SYT1: variants seen among roughly 807,000 people sequenced by gnomAD.
The protein encoded by SYT1 is synaptotagmin-1.
SYT1 carries 8 observed loss-of-function variants against 44.8 expected under a neutral mutation model. The observed-to-expected ratio is 0.18, with a 90% confidence interval of 0.10 to 0.32. SYT1 has a LOEUF of 0.32. SYT1 is among the 10% of genes least tolerant of loss of function. The probability of loss-of-function intolerance (pLI) is 1.00; values close to 1 mark genes in which losing one functional copy is unlikely to be tolerated. For synonymous variants in SYT1, 154 were observed against 188.8 expected (o/e 0.82, Z 1.51); for missense variants, 286 against 509.3 (o/e 0.56, Z 4.22).
intron 8 of SYT1, among the ~76,000 whole-genome samples, chr12:79,313,603 CAAAAA>C (rs58288822): frequency 2.0e-5 from 2 of 101,198 alleles, no homozygotes; most frequent in African/African-American, 7.7e-5. Flanking sequence ...TTTTAAAAAG[CAAAAA>C]AAAAAAAAAA....
intron 3 of SYT1, among the ~76,000 whole-genome samples, chr12:79,111,151 C>T (rs1029011678): frequency 3.3e-5 from 5 of 151,944 alleles, no homozygotes; most frequent in Admixed American, 3.3e-4. Flanking sequence ...AAGGAGAATT[C>T]GTATATGTCA....
At chr12:79,212,513 A>G (rs1464354921) in intron 3 of SYT1, among the ~76,000 whole-genome samples, 1 of 147,416 alleles carries the variant, frequency 6.8e-6, no homozygotes, top group Non-Finnish European at 1.5e-5. Context: ...AAAAAAAAAG[A>G]AAATTGCCTG....
intron 1 of SYT1, among the ~76,000 whole-genome samples, chr12:78,920,472 G>T (rs1003895243): frequency 2.4e-4 from 36 of 152,030 alleles, no homozygotes; most frequent in African/African-American, 8.2e-4. Context: ...ATTGAAGTTG[G>T]TCTAGTAAAA....
At chr12:79,327,045 T>G (rs959227604) in intron 8 of SYT1, among the ~76,000 whole-genome samples, 1 of 152,154 alleles carries the variant, frequency 6.6e-6, no homozygotes, top group East Asian at 1.9e-4. Flanking sequence ...ATGTTCCTAT[T>G]AAGGCAGTCA....
chr12:79,222,617 G>A (rs886693502), intron 4 of SYT1, among the ~76,000 whole-genome samples: 1 of 151,882 alleles, frequency 6.6e-6, no homozygotes, highest in East Asian at 1.9e-4. Context: ...TCCTGACCTC[G>A]GGTGATCCAC....
chr12:79,118,570 G>C (rs1200236826), intron 3 of SYT1, among the ~76,000 whole-genome samples: 2 of 152,122 alleles, frequency 1.3e-5, no homozygotes, highest in Non-Finnish European at 2.9e-5. Context: ...AAAGCAAACA[G>C]CACTAGTATA....
chr12:79,040,784 T>A (rs936381117), intron 2 of SYT1, among the ~76,000 whole-genome samples: 4 of 152,094 alleles, frequency 2.6e-5, no homozygotes, highest in Non-Finnish European at 5.9e-5. Context: ...TTAATCCATC[T>A]TGAATTAATT....
chr12:79,437,753 T>A (rs1168406617), intron 9 of SYT1, among the ~76,000 whole-genome samples: 2 of 152,170 alleles, frequency 1.3e-5, no homozygotes, highest in Admixed American at 1.3e-4. Context: ...AGTGCCAGAT[T>A]CTGTGGTCAG....
intron 4 of SYT1, among the ~76,000 whole-genome samples, chr12:79,262,876 A>G (rs1257772065): frequency 6.6e-6 from 1 of 152,178 alleles, no homozygotes; most frequent in Non-Finnish European, 1.5e-5. Flanking sequence ...TCCCTACAAA[A>G]CAAATAGGCA....
intron 1 of SYT1, among the ~76,000 whole-genome samples, chr12:78,940,375 G>A (rs1878283409): frequency 6.6e-6 from 1 of 151,414 alleles, no homozygotes; most frequent in Non-Finnish European, 1.5e-5. Context: ...ATATATCCAA[G>A]CTCCATTAAC....
intron 8 of SYT1, among the ~76,000 whole-genome samples, chr12:79,317,413 C>T (rs1049210211): frequency 1.6e-4 from 24 of 152,194 alleles, no homozygotes; most frequent in Non-Finnish European, 3.2e-4. Context: ...AATCATTAAT[C>T]ATATGCAATT....
At chr12:79,083,262 G>A (rs929498702) in intron 3 of SYT1, among the ~76,000 whole-genome samples, 1 of 152,166 alleles carries the variant, frequency 6.6e-6, no homozygotes, top group African/African-American at 2.4e-5. Flanking sequence ...TACTAGTGAA[G>A]ATGTGAAAAG....
At chr12:79,102,905 T>C (rs1313305038) in intron 3 of SYT1, 8 of 151,068 alleles carry the variant, frequency 5.3e-5, no homozygotes, top group Non-Finnish European at 1.2e-4. Context: ...CACTGAGAAA[T>C]AATTTGAATA....
chr12:79,373,937 A>G (rs1377358893), intron 9 of SYT1, among the ~76,000 whole-genome samples: 23 of 152,208 alleles, frequency 1.5e-4, no homozygotes, highest in Admixed American at 1.5e-3. Context: ...TTTAGGCAAC[A>G]TGCTCATTTT....
intron 3 of SYT1, among the ~76,000 whole-genome samples, chr12:79,117,069 G>A (rs73355541): frequency 0.034 from 5,216 of 152,168 alleles, 178 homozygotes; most frequent in South Asian, 0.11. Context: ...GAGTGTAGGC[G>A]TTCCTTCTTG....
At chr12:79,083,329 G>GT (rs1685728820) in intron 3 of SYT1, among the ~76,000 whole-genome samples, 1 of 152,130 alleles carries the variant, frequency 6.6e-6, no homozygotes, top group Admixed American at 6.6e-5. Flanking sequence ...GCAAAGGAGA[G>GT]TATCTTCAAA....
chr12:79,058,151 G>T (rs916244666), intron 3 of SYT1, among the ~76,000 whole-genome samples: 1 of 151,920 alleles, frequency 6.6e-6, no homozygotes, highest in Admixed American at 6.6e-5. Flanking sequence ...AGCAATACAA[G>T]CAGTCCCCAA....
At chr12:79,206,137 CA>C (rs913569414) in intron 3 of SYT1, among the ~76,000 whole-genome samples, 17 of 151,080 alleles carry the variant, frequency 1.1e-4, no homozygotes, top group Admixed American at 7.9e-4. Context: ...CTTGTGCACA[CA>C]AAAAAAACAA....
intron 2 of SYT1, among the ~76,000 whole-genome samples, chr12:78,980,321 T>C (rs922907980): frequency 3.9e-5 from 6 of 152,154 alleles, no homozygotes; most frequent in Admixed American, 3.3e-4. Context: ...TAATTTTTGC[T>C]TCCTACATAG....
Sources: gnomAD v4.1 joint callset for allele counts (sites outside exome capture counted in the v4.1 genomes callset) on GRCh38, gnomAD v4.1.1 for gene constraint, MANE v1.5 for transcripts, NCBI Gene and HGNC (gene_info 2026-07-23, HGNC 2026-07-21) for gene names.